LRRC4C: variants seen among roughly 807,000 people sequenced by gnomAD.
The protein encoded by LRRC4C is leucine rich repeat containing 4C.
A neutral mutation model predicts 33.6 loss-of-function variants in LRRC4C; 5 were observed. The observed-to-expected ratio is 0.15, with a 90% CI of 0.08 to 0.31. The LOEUF (loss-of-function observed/expected upper bound fraction) is 0.31. Ranked by LOEUF, LRRC4C falls within the 10% of genes least tolerant of loss-of-function variation. The pLI is 1.00. For synonymous variants in LRRC4C, 329 were observed against 302.0 expected, an observed-to-expected ratio of 1.09 and a Z score of -0.93; for missense variants, 560 against 796.7, an observed-to-expected ratio of 0.70 and a Z score of 3.58.
rs140277932 is a variant in LRRC4C, at chr11:40,789,396, T to C, written c.-406-141118A>G. On this transcript the variant is annotated intron_variant, in intron 2 of 6. Coordinates refer to ENST00000528697, the MANE Select transcript of LRRC4C (RefSeq NM_001258419.2). ...TTGCACATCTATACATATAAGGCTTTGGGGTTTTCTCTCTCCCACTTTTTA... is the reference window on the plus strand; with the variant it reads ...TTGCACATCTATACATATAAGGCTTCGGGGTTTTCTCTCTCCCACTTTTTA... Among the ~76,000 whole-genome samples the C allele has an allele frequency of 6.0e-3, 921 of 152,248 alleles. 3 individuals are homozygous for C. The highest frequency in any genetic ancestry group is 0.011 in the Non-Finnish European group (715 of 68,008).
chr11:40,846,175 T>C (rs1185245507), intron 2 of LRRC4C, among the ~76,000 whole-genome samples: 2 of 152,148 alleles, frequency 1.3e-5, no homozygotes, highest in African/African-American at 4.8e-5. Context: ...ATAAGCTCTT[T>C]AGTTTAATTA....
rs183244298 is a variant in LRRC4C at position 40,692,365 on chromosome 11, C to A, written c.-406-44087G>T. Among the ~76,000 whole-genome samples the A allele has an allele frequency of 1.6e-3, 248 of 152,100 alleles. 6 individuals are homozygous for A. The highest frequency in any genetic ancestry group is 0.016 in the Admixed American group (240 of 15,242). Reference sequence around the variant, plus strand: ...GTGTCTCTCCACTTTCTTCACTTTCCACCGGTTCTTTCAACACATAGAGAG... The same window carrying A: ...GTGTCTCTCCACTTTCTTCACTTTCAACCGGTTCTTTCAACACATAGAGAG... On this transcript the variant is annotated intron_variant, in intron 2 of 6. Coordinates refer to ENST00000528697, the MANE Select transcript of LRRC4C (RefSeq NM_001258419.2).
chr11:41,176,626 A>G (rs982247106), intron 1 of LRRC4C, among the ~76,000 whole-genome samples: 3 of 152,182 alleles, frequency 2.0e-5, no homozygotes, highest in African/African-American at 2.4e-5. Context: ...ACTATATCTA[A>G]TAGTTATAAA....
At chr11:40,545,246 T>C (rs1324281809) in intron 3 of LRRC4C, among the ~76,000 whole-genome samples, 3 of 152,028 alleles carry the variant, frequency 2.0e-5, no homozygotes, top group African/African-American at 7.2e-5. Flanking sequence ...GACTACTAGT[T>C]CTTTAAACAC....
At chr11:40,215,156 C>A (rs746123299) in intron 5 of LRRC4C, among the ~76,000 whole-genome samples, 1 of 152,066 alleles carries the variant, frequency 6.6e-6, no homozygotes. Flanking sequence ...TACCAGCATC[C>A]CAATTTTGAG....
chr11:40,192,328 C>T (rs1032495885), intron 5 of LRRC4C, among the ~76,000 whole-genome samples: 1 of 152,082 alleles, frequency 6.6e-6, no homozygotes, highest in African/African-American at 2.4e-5. Context: ...CGAGCAGAAG[C>T]AGGGTTGGGC....
chr11:40,873,820 G>T (rs186682473), intron 2 of LRRC4C, among the ~76,000 whole-genome samples: 4 of 152,016 alleles, frequency 2.6e-5, no homozygotes, highest in African/African-American at 7.2e-5. Context: ...CTTTGACATC[G>T]CATTTCGAAT....
chr11:41,274,654 A>G (rs1308428340), intron 1 of LRRC4C, among the ~76,000 whole-genome samples: 1 of 152,086 alleles, frequency 6.6e-6, no homozygotes, highest in Non-Finnish European at 1.5e-5. Context: ...AAATACGGGA[A>G]TAAAAGCTGG....
At chr11:41,279,163 T>C (rs1020736785) in intron 1 of LRRC4C, among the ~76,000 whole-genome samples, 11 of 152,180 alleles carry the variant, frequency 7.2e-5, no homozygotes, top group Non-Finnish European at 1.2e-4. Context: ...GGCTGTGTCA[T>C]ATTCCATGAT....
intron 6 of LRRC4C, 62 bp downstream of exon 6, chr11:40,140,730 TCACTTCACA>T (rs1857302909): frequency 6.6e-6 from 1 of 152,134 alleles, no homozygotes; most frequent in South Asian, 2.1e-4. Flanking sequence ...GTATAACGAG[TCACTTCACA>T]TTAGCTGCAG....
chr11:41,020,730 A>G (rs1855901176), intron 1 of LRRC4C, among the ~76,000 whole-genome samples: 1 of 152,186 alleles, frequency 6.6e-6, no homozygotes. Flanking sequence ...AAAAAGCCAC[A>G]AGAAACTAAC....
At chr11:40,262,258 C>T (rs534715759) in intron 4 of LRRC4C, among the ~76,000 whole-genome samples, 5 of 151,934 alleles carry the variant, frequency 3.3e-5, no homozygotes, top group South Asian at 2.1e-4. Context: ...ATTAGAGAAA[C>T]GCAAATCAAA....
At chr11:41,107,453 T>G (rs2135672785) in intron 1 of LRRC4C, among the ~76,000 whole-genome samples, 1 of 152,228 alleles carries the variant, frequency 6.6e-6, no homozygotes, top group East Asian at 1.9e-4. Flanking sequence ...AAGTGAAATA[T>G]CTCTCATTTA....
chr11:41,019,210 C>G (rs982546193), intron 1 of LRRC4C, among the ~76,000 whole-genome samples: 4 of 151,612 alleles, frequency 2.6e-5, no homozygotes, highest in African/African-American at 9.7e-5. Context: ...GTGTGTTATT[C>G]CCGTCTCTGT....
intron 2 of LRRC4C, among the ~76,000 whole-genome samples, chr11:40,727,827 TCACC>T (rs780912084): frequency 4.9e-4 from 74 of 152,072 alleles, no homozygotes; most frequent in Non-Finnish European, 7.5e-4. Context: ...GGTGGGCGGA[TCACC>T]TGAGTTCAGG....
chr11:40,572,829 C>T (rs559475997), intron 3 of LRRC4C, among the ~76,000 whole-genome samples: 24 of 152,200 alleles, frequency 1.6e-4, no homozygotes, highest in South Asian at 6.2e-4. Context: ...TGCACTATTA[C>T]GATATGCAAA....
chr11:41,198,099 T>C (rs1219305205), intron 1 of LRRC4C, among the ~76,000 whole-genome samples: 2 of 152,056 alleles, frequency 1.3e-5, no homozygotes, highest in Non-Finnish European at 2.9e-5. Context: ...GTATATTATT[T>C]ACTTAGGAGT....
At chr11:40,340,719 C>A (rs1486232594) in intron 3 of LRRC4C, among the ~76,000 whole-genome samples, 1 of 152,012 alleles carries the variant, frequency 6.6e-6, no homozygotes, top group Non-Finnish European at 1.5e-5. Context: ...ATACATGTAT[C>A]ATTATGTAAT....
chr11:41,162,555 G>C (rs546930720), intron 1 of LRRC4C, among the ~76,000 whole-genome samples: 6 of 152,108 alleles, frequency 3.9e-5, no homozygotes, highest in Non-Finnish European at 8.8e-5. Flanking sequence ...AGGCTATATG[G>C]TATAGCCTAT....
Sources: gnomAD v4.1 joint callset for allele counts (sites outside exome capture counted in the v4.1 genomes callset) on GRCh38, gnomAD v4.1.1 for gene constraint, MANE v1.5 for transcripts, NCBI Gene and HGNC (gene_info 2026-07-23, HGNC 2026-07-21) for gene names.